RHOB: variants seen among roughly 807,000 people sequenced by gnomAD.
The protein encoded by RHOB is rho-related GTP-binding protein RhoB.
In RHOB, 6 loss-of-function variants were observed where a neutral mutation model predicts 12.9. The observed-to-expected ratio is 0.47, with a 90% CI of 0.25 to 0.92. RHOB has a LOEUF of 0.92. Ranked by LOEUF, RHOB falls within the 40% of genes least tolerant of loss-of-function variation. The pLI is 0.16. For synonymous variants in RHOB, 168 were observed against 122.1 expected (o/e 1.38, Z -2.48); for missense variants, 142 against 277.9 (o/e 0.51, Z 3.48).
Position 20,448,966 on chromosome 2 carries a change from A to G in RHOB, c.*910A>G, listed in dbSNP as rs192183115. 113 of 167,240 alleles carry G rather than the reference A, an allele frequency of 6.8e-4. No homozygotes were observed. The highest frequency in any genetic ancestry group is 1.6e-4 in the Non-Finnish European group (11 of 68,118). 10.4% of individuals were successfully genotyped at this position (167,240 alleles called of 1,614,324 possible). On this transcript the variant is annotated 3_prime_UTR_variant, in exon 1 of 1. Transcript: ENST00000272233. ...TTAATGCACTCGTCATTTGCATACGACAGTAGCATTCTGACCACACTTGTA... is the reference window on the plus strand; with the variant it reads ...TTAATGCACTCGTCATTTGCATACGGCAGTAGCATTCTGACCACACTTGTA...
rs1164278548 is a variant in RHOB at position 20,448,344 on chromosome 2, CTG to C, written c.*294_*295del. 6.6e-6 allele frequency: 3 copies of C among 457,352 alleles called. No homozygotes were observed. Among genetic ancestry groups the C allele is most frequent in the African/African-American group, 4.0e-5 (2 of 49,576 alleles). 28.3% of individuals were successfully genotyped at this position (457,352 alleles called of 1,614,324 possible). On this transcript the variant is annotated 3_prime_UTR_variant, in exon 1 of 1. Coordinates refer to ENST00000272233, the MANE Select transcript of RHOB (RefSeq NM_004040.4). ...AAGAGCCGGGCCTCAGAGTGTGTGG[CTG>C]TGTGTCTGTTCGACTCCCCTCGCCC...
Position 20,448,329 on chromosome 2 carries a change from C to T in RHOB, c.*273C>T, listed in dbSNP as rs1691041989. ...GAGCATGCTTTTCTGAAGAGCCGGG[C>T]CTCAGAGTGTGTGGCTGTGTGTCTG... On this transcript the variant is annotated 3_prime_UTR_variant, in exon 1 of 1. Coordinates refer to ENST00000272233, the MANE Select transcript of RHOB (RefSeq NM_004040.4). The T allele has an allele frequency of 7.9e-6, 4 of 507,472 alleles. No homozygotes were observed. The highest frequency in any genetic ancestry group is 1.1e-5 in the Non-Finnish European group (3 of 276,390). 31.4% of individuals were successfully genotyped at this position (507,472 alleles called of 1,614,324 possible).
In RHOB at chr2:20,447,950, A is replaced by G; in HGVS notation, c.485A>G (p.Lys162Arg). ...QAYDYLECSA[K>R]TKEGVREVFE... Reference sequence around the variant, plus strand: ...TACGACTACCTCGAGTGCTCTGCCAAGACCAAGGAAGGCGTGCGCGAGGTC... The same window carrying G: ...TACGACTACCTCGAGTGCTCTGCCAGGACCAAGGAAGGCGTGCGCGAGGTC... Residue 162 changes from lysine to arginine, a missense_variant, in exon 1 of 1, where the codon AAG (lysine) becomes AGG (arginine). Physicochemically the swap from Lys to Arg is conservative, Grantham distance 26. This residue lies in a region of RHOB where 113 missense variants were observed against 166.3 expected (regional missense o/e 0.68). Transcript: ENST00000272233. 1.2e-6 allele frequency: 2 copies of G among 1,613,054 alleles called. No homozygotes were observed. Among genetic ancestry groups the G allele is most frequent in the Non-Finnish European group, 1.7e-6 (2 of 1,179,994 alleles).
chr2:20,447,765 C>A lies in RHOB; in HGVS notation c.300C>A (p.Val100=), dbSNP rs147203679. Reference sequence around the variant, plus strand: ...TGGAGAACATCCCCGAGAAGTGGGTCCCCGAGGTGAAGCACTTCTGTCCCA... The same window carrying A: ...TGGAGAACATCCCCGAGAAGTGGGTACCCGAGGTGAAGCACTTCTGTCCCA... ...DSLENIPEKW[V]PEVKHFCPNV... The change falls in exon 1 of 1, where the codon GTC becomes GTA. Residue 100 remains valine, a synonymous_variant. Transcript: ENST00000272233. 1.2e-6 allele frequency: 2 copies of A among 1,613,834 alleles called. No homozygotes were observed. The highest frequency in any genetic ancestry group is 2.7e-5 in the African/African-American group (2 of 74,846).
Position 20,447,601 on chromosome 2 carries a change from A to G in RHOB, c.136A>G (p.Ile46Val). 6.2e-7 allele frequency: 1 copy of G among 1,614,064 alleles called. No individual in the cohort carries two copies. The highest frequency in any genetic ancestry group is 8.5e-7 in the Non-Finnish European group (1 of 1,180,030). Residue 46 changes from isoleucine to valine, a missense_variant, in exon 1 of 1, where the codon ATT becomes GTT. Coordinates refer to ENST00000272233, the MANE Select transcript of RHOB (RefSeq NM_004040.4). ...PTVFENYVAD[I>V]EVDGKQVELA... Reference sequence around the variant, plus strand: ...CGTCTTCGAGAACTATGTGGCCGACATTGAGGTGGACGGCAAGCAGGTGGA... The same window carrying G: ...CGTCTTCGAGAACTATGTGGCCGACGTTGAGGTGGACGGCAAGCAGGTGGA...
chr2:20,447,717 C>G lies in RHOB; in HGVS notation c.252C>G (p.Phe84Leu). ...YPDTDVILMCFSVDSPDSLEN... is the reference protein window; with the variant it reads ...YPDTDVILMCLSVDSPDSLEN... ...ACACCGACGTCATTCTCATGTGCTT[C>G]TCGGTGGACAGCCCGGACTCGCTGG... Residue 84 changes from phenylalanine (F) to leucine (L), a missense_variant, in exon 1 of 1, where the codon TTC (phenylalanine) becomes TTG (leucine). Phe to Leu is a conservative substitution (Grantham distance 22). Around this residue, in one of 2 missense-constraint regions of RHOB, gnomAD observed 113 missense variants for 166.3 expected, o/e 0.68. Transcript: ENST00000272233. The G allele has an allele frequency of 1.9e-6, 3 of 1,613,666 alleles. No individual in the cohort carries two copies. The highest frequency in any genetic ancestry group is 2.5e-6 in the Non-Finnish European group (3 of 1,179,868).
chr2:20,447,414 G>A lies in RHOB; in HGVS notation c.-52G>A. 1 of 1,438,140 alleles carries A rather than the reference G, an allele frequency of 7.0e-7. No individual in the cohort carries two copies. The highest frequency in any genetic ancestry group is 1.4e-5 in the African/African-American group (1 of 70,946). The allele number at this position is 1,438,140 out of a possible 1,614,324, so 89.1% of individuals were successfully genotyped here. A position where few individuals can be genotyped will look rare whatever the true frequency, so the allele number is the denominator to read the frequency against. On this transcript the variant is annotated 5_prime_UTR_variant, in exon 1 of 1. Coordinates refer to ENST00000272233, the MANE Select transcript of RHOB (RefSeq NM_004040.4). Reference sequence around the variant, plus strand: ...GGTGAGCAGTGAGCGGCGAGCGGGAGGGCAGCGAGGCGTTCGCGGGCCCCC... The same window carrying A: ...GGTGAGCAGTGAGCGGCGAGCGGGAAGGCAGCGAGGCGTTCGCGGGCCCCC...
Position 20,447,632 on chromosome 2 carries a change from CGCTGTGG to C in RHOB, c.169_175del (p.Leu57ThrfsTer45). 6.2e-7 allele frequency: 1 copy of C among 1,613,966 alleles called. No individual in the cohort carries two copies. The highest frequency in any genetic ancestry group is 8.5e-7 in the Non-Finnish European group (1 of 1,180,004). On this transcript the variant is annotated frameshift_variant, in exon 1 of 1. Transcript: ENST00000272233. LOFTEE classifies it high-confidence loss of function. The stretch of plus-strand genomic sequence containing the variant: ...GTGGACGGCAAGCAGGTGGAGCTGG[CGCTGTGG>C]GACACGGCGGGCCAGGAGGACTACG...
In RHOB at chr2:20,447,411, G is replaced by A. The variant is rs537206429; in HGVS notation, c.-55G>A. 6 of 1,417,568 alleles carry A rather than the reference G, an allele frequency of 4.2e-6. No homozygotes were observed. The Admixed American group carries it at 8.3e-5, about 20-fold the overall frequency. 87.8% of individuals were successfully genotyped at this position (1,417,568 alleles called of 1,614,324 possible). On this transcript the variant is annotated 5_prime_UTR_variant, in exon 1 of 1. Coordinates refer to ENST00000272233, the MANE Select transcript of RHOB (RefSeq NM_004040.4). The stretch of plus-strand genomic sequence containing the variant: ...CGAGGTGAGCAGTGAGCGGCGAGCG[G>A]GAGGGCAGCGAGGCGTTCGCGGGCC...
rs1691038208 is a variant in RHOB at position 20,448,150 on chromosome 2, A to C, written c.*94A>C. 2.7e-6 allele frequency: 3 copies of C among 1,125,668 alleles called. No homozygotes were observed. Among genetic ancestry groups the C allele is most frequent in the Non-Finnish European group, 3.8e-6 (3 of 794,748 alleles). The allele number at this position is 1,125,668 out of a possible 1,614,324, so 69.7% of individuals were successfully genotyped here. On this transcript the variant is annotated 3_prime_UTR_variant, in exon 1 of 1. Transcript: ENST00000272233. ...GGAGAAGGGGAGACCCGTGTCCCACAAGGACCCCACCGGCCTGCCTGGCAT... is the reference window on the plus strand; with the variant it reads ...GGAGAAGGGGAGACCCGTGTCCCACCAGGACCCCACCGGCCTGCCTGGCAT...
rs1328729375 is a variant in RHOB, at chr2:20,449,083, TGAA to T, written c.*1031_*1033del. 1 of 167,140 alleles carries T rather than the reference TGAA, an allele frequency of 6.0e-6. No individual in the cohort carries two copies. 10.4% of individuals were successfully genotyped at this position (167,140 alleles called of 1,614,324 possible). The stretch of plus-strand genomic sequence containing the variant: ...CCCACTAAATTTTGCTTTGTTTCCT[TGAA>T]GAATGTGGCAACACTGTTTTGTGAT... On this transcript the variant is annotated 3_prime_UTR_variant, in exon 1 of 1. Transcript: ENST00000272233.
rs778091448 is a variant in RHOB at position 20,447,756 on chromosome 2, G to T, written c.291G>T (p.Glu97Asp). Residue 97 changes from glutamate (E) to aspartate (D), a missense_variant, in exon 1 of 1, where the codon GAG (glutamate) becomes GAT (aspartate). By Grantham distance (45) the Glu-to-Asp change is conservative. Transcript: ENST00000272233. ...CGGACTCGCTGGAGAACATCCCCGAGAAGTGGGTCCCCGAGGTGAAGCACT... is the reference window on the plus strand; with the variant it reads ...CGGACTCGCTGGAGAACATCCCCGATAAGTGGGTCCCCGAGGTGAAGCACT... ...DSPDSLENIP[E>D]KWVPEVKHFC... 1 of 1,614,048 alleles carries T rather than the reference G, an allele frequency of 6.2e-7. No individual in the cohort carries two copies.
Position 20,448,237 on chromosome 2 carries a change from C to T in RHOB, c.*181C>T. On this transcript the variant is annotated 3_prime_UTR_variant, in exon 1 of 1. Coordinates refer to ENST00000272233, the MANE Select transcript of RHOB (RefSeq NM_004040.4). Reference sequence around the variant, plus strand: ...GCGTGGGCACCGGGCGCCCCCATCCCAGTGTCTGTGTGCGTCCAGCTGTGT... The same window carrying T: ...GCGTGGGCACCGGGCGCCCCCATCCTAGTGTCTGTGTGCGTCCAGCTGTGT... 3 of 628,222 alleles carry T rather than the reference C, an allele frequency of 4.8e-6. No homozygotes were observed. In the South Asian group the frequency reaches 5.9e-5, roughly 12 times the overall value. The allele number at this position is 628,222 out of a possible 1,614,324, so 38.9% of individuals were successfully genotyped here.
chr2:20,447,438 C>A lies in RHOB; in HGVS notation c.-28C>A. ...AGGGCAGCGAGGCGTTCGCGGGCCC[C>A]CTCCTGCTGCCCGGGCCCGGCCCGC... On this transcript the variant is annotated 5_prime_UTR_variant, in exon 1 of 1. Coordinates refer to ENST00000272233, the MANE Select transcript of RHOB (RefSeq NM_004040.4). 1 of 1,565,214 alleles carries A rather than the reference C, an allele frequency of 6.4e-7. No homozygotes were observed. Among genetic ancestry groups the A allele is most frequent in the Non-Finnish European group, 8.7e-7 (1 of 1,152,300 alleles).
chr2:20,448,506 G>T lies in RHOB; in HGVS notation c.*450G>T. The T allele has an allele frequency of 5.7e-6, 1 of 175,226 alleles. No individual in the cohort carries two copies. The allele number at this position is 175,226 out of a possible 1,614,324, so 10.9% of individuals were successfully genotyped here. A position where few individuals can be genotyped will look rare whatever the true frequency, so the allele number is the denominator to read the frequency against. Reference sequence around the variant, plus strand: ...GTCTGTAACATAGACCCCGGGTACTGCGGGAGGGGAGGGCTGCTGGGGAGG... The same window carrying T: ...GTCTGTAACATAGACCCCGGGTACTTCGGGAGGGGAGGGCTGCTGGGGAGG... On this transcript the variant is annotated 3_prime_UTR_variant, in exon 1 of 1. Transcript: ENST00000272233.
In RHOB at chr2:20,448,027, G is replaced by A; in HGVS notation, c.562G>A (p.Gly188Ser). Residue 188 changes from glycine (G) to serine (S), a missense_variant, in exon 1 of 1, where the codon GGC becomes AGC. Around this residue, in one of 2 missense-constraint regions of RHOB, gnomAD observed 113 missense variants for 166.3 expected, o/e 0.68. Coordinates refer to ENST00000272233, the MANE Select transcript of RHOB (RefSeq NM_004040.4). ...GCAGAAGCGCTACGGCTCCCAGAAC[G>A]GCTGCATCAACTGCTGCAAGGTGCT... Reference protein sequence around the residue: ...ALQKRYGSQNGCINCCKVL With the variant: ...ALQKRYGSQNSCINCCKVL 1 of 1,612,142 alleles carries A rather than the reference G, an allele frequency of 6.2e-7. No homozygotes were observed. Among genetic ancestry groups the A allele is most frequent in the African/African-American group, 1.3e-5 (1 of 75,044 alleles).
Position 20,447,850 on chromosome 2 carries a change from A to G in RHOB, c.385A>G (p.Thr129Ala). 1 of 1,613,630 alleles carries G rather than the reference A, an allele frequency of 6.2e-7. No individual in the cohort carries two copies. Residue 129 changes from threonine (T) to alanine (A), a missense_variant, in exon 1 of 1, where the codon ACA (threonine) becomes GCA (alanine). Thr to Ala is a moderately conservative substitution (Grantham distance 58, BLOSUM62 0). This residue lies in a region of RHOB where 113 missense variants were observed against 166.3 expected (regional missense o/e 0.68). Transcript: ENST00000272233. Reference protein sequence around the residue: ...KDLRSDEHVRTELARMKQEPV... With the variant: ...KDLRSDEHVRAELARMKQEPV... ...CCTGCGCAGCGACGAGCATGTCCGC[A>G]CAGAGCTGGCCCGCATGAAGCAGGA...
chr2:20,447,177 C>G lies in RHOB; in HGVS notation c.-289C>G, dbSNP rs1691012851. On this transcript the variant is annotated 5_prime_UTR_variant, in exon 1 of 1. Transcript: ENST00000272233. ...CGAGTCCACCGCCCGAGTCTGCTGC[C>G]CGAGCCCGCGTTACGCACAAAGCCG... 6.4e-6 allele frequency: 2 copies of G among 313,842 alleles called. No homozygotes were observed. Among genetic ancestry groups the G allele is most frequent in the Non-Finnish European group, 1.2e-5 (2 of 173,188 alleles). The allele number at this position is 313,842 out of a possible 1,614,324, so 19.4% of individuals were successfully genotyped here. A position where few individuals can be genotyped will look rare whatever the true frequency, so the allele number is the denominator to read the frequency against.
chr2:20,448,627 C>G lies in RHOB; in HGVS notation c.*571C>G, dbSNP rs944868280. ...TGATGGGTGAGCGCTCTGGCCCAGG[C>G]TGGGCCAGACTCCCGCCCAAGCATG... On this transcript the variant is annotated 3_prime_UTR_variant, in exon 1 of 1. Transcript: ENST00000272233. 2.4e-5 allele frequency: 4 copies of G among 167,338 alleles called. No individual in the cohort carries two copies. Among genetic ancestry groups the G allele is most frequent in the African/African-American group, 9.6e-5 (4 of 41,598 alleles). 10.4% of individuals were successfully genotyped at this position (167,338 alleles called of 1,614,324 possible).
Sources: allele counts gnomAD v4.1 joint callset, GRCh38; gene constraint gnomAD v4.1.1; regional missense constraint gnomAD v4.1.1; transcripts MANE v1.5; gene names NCBI Gene and HGNC (gene_info 2026-07-23, HGNC 2026-07-21).